Variants in TRA2B observed in about 807,000 individuals in gnomAD.
TRA2B encodes the protein transformer-2 protein homolog beta.
Under a neutral mutation model 41.7 loss-of-function variants are expected in TRA2B, and 14 were observed. That is an observed-to-expected ratio of 0.34 (90% CI 0.22 to 0.53). TRA2B has a LOEUF of 0.53. Among genes scored for constraint, TRA2B ranks in the 20% least tolerant of loss-of-function variants. The pLI is 0.95. For synonymous variants in TRA2B, 130 were observed against 128.8 expected, an observed-to-expected ratio of 1.01 and a Z score of -0.06; for missense variants, 167 against 396.8, an observed-to-expected ratio of 0.42 and a Z score of 4.92.
chr3:185,936,477 A>C (rs1380968537), intron 1 of TRA2B: 1 of 985,324 alleles, frequency 1.0e-6, no homozygotes, highest in African/African-American at 1.7e-5. Context: ...GTTCAAACCA[A>C]ATTAAGCAGT....
intron 7 of TRA2B, among the ~76,000 whole-genome samples, chr3:185,919,172 A>C (rs992406650): frequency 3.1e-5 from 4 of 127,404 alleles, no homozygotes; most frequent in African/African-American, 1.5e-4. Context: ...ACATAATGAC[A>C]AAAAAAATGA....
At chr3:185,927,770 T>C (rs1744007384) in intron 1 of TRA2B, 1 of 152,210 alleles carries the variant, frequency 6.6e-6, no homozygotes, top group Non-Finnish European at 1.5e-5. Context: ...CAAAAGGGTA[T>C]ACTAAGTAAT....
At position 185,923,510 on chromosome 3, in the gene TRA2B, G is replaced by T. The variant is rs546900435; in HGVS notation, c.522+286C>A. On this transcript the variant is annotated intron_variant, in intron 4 of 8. Coordinates refer to ENST00000453386, the MANE Select transcript of TRA2B (RefSeq NM_004593.3). The stretch of plus-strand genomic sequence containing the variant: ...CATAACTTTGCTTTTGGTTATTTTT[G>T]ACTCTAGAATGTGAACCCAGTGTAA... The T allele has an allele frequency of 4.2e-5, 10 of 236,352 alleles. No individual in the cohort carries two copies. In the Admixed American group the frequency reaches 5.6e-4, roughly 13 times the overall value. The allele number at this position is 236,352 out of a possible 1,614,324, so 14.6% of individuals were successfully genotyped here.
At chr3:185,937,743 TCC>T in intron 1 of TRA2B, 80 bp downstream of exon 1, 5 of 1,600,988 alleles carry the variant, frequency 3.1e-6, no homozygotes, top group Non-Finnish European at 3.4e-6. Context: ...CGCCCCTGCC[TCC>T]TGGCCCGAGG....
chr3:185,917,404 G>T lies in TRA2B; in HGVS notation c.*311C>A, dbSNP rs1578469499. ...CAGGCTTCGATCTTCAGAATACCCT[G>T]GATTCAGTAGAAAAACCTTTTAAAT... is the stretch of plus-strand genomic sequence containing the variant. On this transcript the variant is annotated 3_prime_UTR_variant, in exon 9 of 9. Coordinates refer to ENST00000453386, the MANE Select transcript of TRA2B (RefSeq NM_004593.3). The T allele has an allele frequency of 1.1e-5, 4 of 353,730 alleles. No individual in the cohort carries two copies. In the East Asian group the frequency reaches 2.0e-4, roughly 17 times the overall value. 21.9% of individuals were successfully genotyped at this position (353,730 alleles called of 1,614,324 possible). A position where few individuals can be genotyped will look rare whatever the true frequency, so the allele number is the denominator to read the frequency against.
At chr3:185,919,404 G>T (rs774520274) in intron 7 of TRA2B, 33 bp downstream of exon 7, 22 of 1,590,056 alleles carry the variant, frequency 1.4e-5, no homozygotes, top group Middle Eastern at 1.7e-4. Context: ...GCTTTATACT[G>T]TTGTACAGAT....
At chr3:185,925,127 T>A (rs1029635431) in intron 3 of TRA2B, 2 of 159,828 alleles carry the variant, frequency 1.3e-5, no homozygotes, top group African/African-American at 4.8e-5. Context: ...TAACTAGGTT[T>A]ATGCAGCCTG....
At chr3:185,927,692 A>AT (rs1744004573) in intron 1 of TRA2B, 1 of 152,214 alleles carries the variant, frequency 6.6e-6, no homozygotes, top group African/African-American at 2.4e-5. Context: ...GGGATTTGTA[A>AT]TGAAAAATAG....
At chr3:185,937,763 G>C in intron 1 of TRA2B, 62 bp downstream of exon 1, 2 of 1,610,522 alleles carry the variant, frequency 1.2e-6, no homozygotes, top group Non-Finnish European at 1.7e-6. Flanking sequence ...AGGCCGACGG[G>C]CCTAGAAAAA....
At chr3:185,921,878 A>C (rs534720781) in intron 5 of TRA2B, 133 bp downstream of exon 5, 1 of 572,728 alleles carries the variant, frequency 1.7e-6, no homozygotes, top group African/African-American at 1.9e-5. Context: ...AAAATGCCCT[A>C]ATGAGGAGCA....
intron 4 of TRA2B, 24 bp from the exon 5 acceptor site, chr3:185,922,150 A>G: frequency 6.4e-7 from 1 of 1,569,466 alleles, no homozygotes; most frequent in Non-Finnish European, 8.8e-7. Flanking sequence ...ATAAATTGTT[A>G]CATACATCCT....
Position 185,919,440 on chromosome 3 carries a change from T to C in TRA2B, c.779A>G (p.Tyr260Cys), listed in dbSNP as rs1270174359. 1.2e-6 allele frequency: 2 copies of C among 1,613,476 alleles called. No individual in the cohort carries two copies. The highest frequency in any genetic ancestry group is 1.7e-6 in the Non-Finnish European group (2 of 1,179,728). ...WRAAQDRDQI[Y>C]RRRSPSPYYS... ...GCTAAGTCCTCTCCTGGCATACCTA[T>C]AAATCTGATCCCTGTCTTGGGCAGC... The change falls in exon 7 of 9, where the codon TAT becomes TGT. Residue 260 changes from tyrosine (Y) to cysteine (C), a missense_variant. Physicochemically the swap from Tyr to Cys is radical, Grantham distance 194. This residue lies in a region of TRA2B where 30 missense variants were observed against 46.7 expected (regional missense o/e 0.64). Transcript: ENST00000453386.
intron 8 of TRA2B, 32 bp from the exon 9 acceptor site, chr3:185,917,757 T>C: frequency 1.2e-6 from 2 of 1,605,480 alleles, no homozygotes; most frequent in South Asian, 1.1e-5. Flanking sequence ...TGCTTTAATA[T>C]TAAGTGAACT....
rs1163254310 is a variant in TRA2B at position 185,937,958 on chromosome 3, G to A, written c.-98C>T. ...GCTCCGCCGCAGCCCCGCACGACGC[G>A]CCGGTCGCCCAGCCGCTCAGAGCCG... On this transcript the variant is annotated 5_prime_UTR_variant, in exon 1 of 9. Coordinates refer to ENST00000453386, the MANE Select transcript of TRA2B (RefSeq NM_004593.3). The A allele has an allele frequency of 1.4e-5, 20 of 1,476,706 alleles. No individual in the cohort carries two copies. Among genetic ancestry groups the A allele is most frequent in the Non-Finnish European group, 1.5e-5 (16 of 1,074,946 alleles). The allele number at this position is 1,476,706 out of a possible 1,614,324, so 91.5% of individuals were successfully genotyped here.
rs916767458 is a variant in TRA2B at position 185,915,027 on chromosome 3, G to A, written c.*2688C>T. Among the ~76,000 whole-genome samples the A allele has an allele frequency of 6.6e-6, 1 of 152,118 alleles. No individual in the cohort carries two copies. The highest frequency in any genetic ancestry group is 6.5e-5 in the Admixed American group (1 of 15,280). On this transcript the variant is annotated 3_prime_UTR_variant, in exon 9 of 9. Transcript: ENST00000453386. ...TTGAGCATTCTCTAACATGTAGTTA[G>A]ATTTCCATAAGGAAATGTGCAAGCT... is the stretch of plus-strand genomic sequence containing the variant.
chr3:185,934,919 T>C (rs1005996600), intron 1 of TRA2B: 10 of 985,284 alleles, frequency 1.0e-5, no homozygotes, highest in East Asian at 1.1e-4. Context: ...CAAAACATTT[T>C]CTTTAACATC....
At chr3:185,937,653 G>T (rs1478006521) in intron 1 of TRA2B, among the ~76,000 whole-genome samples, 172 bp downstream of exon 1, 1 of 152,234 alleles carries the variant, frequency 6.6e-6, no homozygotes, top group Non-Finnish European at 1.5e-5. Flanking sequence ...AGGCACTAAG[G>T]CACTATCCAC....
Position 185,919,510 on chromosome 3 carries a change from A to C in TRA2B, c.723-14T>G. ...CCACCTCCTCCTCTGTGAAGACAGA[A>C]AGGCAACACAACACGCATTCAGTTT... On this transcript the variant is annotated splice_polypyrimidine_tract_variant and intron_variant, in intron 6 of 8. Transcript: ENST00000453386. The C allele has an allele frequency of 1.2e-6, 2 of 1,606,162 alleles. No homozygotes were observed. Among genetic ancestry groups the C allele is most frequent in the Non-Finnish European group, 1.7e-6 (2 of 1,177,346 alleles).
Position 185,917,369 on chromosome 3 carries a change from G to C in TRA2B, c.*346C>G, listed in dbSNP as rs1743538424. 1 of 267,084 alleles carries C rather than the reference G, an allele frequency of 3.7e-6. No individual in the cohort carries two copies. Among genetic ancestry groups the C allele is most frequent in the East Asian group, 7.2e-5 (1 of 13,934 alleles). 16.5% of individuals were successfully genotyped at this position (267,084 alleles called of 1,614,324 possible). On this transcript the variant is annotated 3_prime_UTR_variant, in exon 9 of 9. Coordinates refer to ENST00000453386, the MANE Select transcript of TRA2B (RefSeq NM_004593.3). Reference sequence around the variant, plus strand: ...TATTGTTGCTTTTTGCCATTTGGTAGCATTTTACACAGGCTTCGATCTTCA... The same window carrying C: ...TATTGTTGCTTTTTGCCATTTGGTACCATTTTACACAGGCTTCGATCTTCA...
Sources: allele counts gnomAD v4.1 joint callset (sites outside exome capture counted in the v4.1 genomes callset), GRCh38; gene constraint gnomAD v4.1.1; regional missense constraint gnomAD v4.1.1; transcripts MANE v1.5; gene names NCBI Gene and HGNC (gene_info 2026-07-23, HGNC 2026-07-21).